Variants in PTPRN2 observed in about 807,000 individuals in gnomAD.
PTPRN2 encodes protein tyrosine phosphatase receptor type N2.
In PTPRN2, 74 loss-of-function variants were observed where a neutral mutation model predicts 118.8. The observed-to-expected ratio is 0.62, with a 90% confidence interval of 0.52 to 0.76. PTPRN2 has a LOEUF of 0.76. Among genes scored for constraint, PTPRN2 ranks in the 30% least tolerant of loss-of-function variants. The pLI, the probability that PTPRN2 is intolerant of heterozygous loss-of-function variation, is 0.00. For synonymous variants in PTPRN2, 641 were observed against 608.0 expected, an observed-to-expected ratio of 1.05 and a Z score of -0.80; for missense variants, 1,481 against 1,394.4, an observed-to-expected ratio of 1.06 and a Z score of -0.99.
intron 2 of PTPRN2, among the ~76,000 whole-genome samples, chr7:158,333,674 C>T (rs1804965797): frequency 6.6e-6 from 1 of 151,558 alleles, no homozygotes; most frequent in Non-Finnish European, 1.5e-5. Context: ...CTGACACCCA[C>T]AGACATCACT....
chr7:157,809,013 T>G (rs1197122026), intron 12 of PTPRN2, among the ~76,000 whole-genome samples: 2 of 152,242 alleles, frequency 1.3e-5, no homozygotes, highest in African/African-American at 4.8e-5. Context: ...CCTCCCGAAG[T>G]GTGCTGTGTC....
At chr7:158,123,036 C>T (rs1817302823) in intron 9 of PTPRN2, among the ~76,000 whole-genome samples, 2 of 152,146 alleles carry the variant, frequency 1.3e-5, no homozygotes, top group African/African-American at 2.4e-5. Flanking sequence ...GGACATTTTA[C>T]TATTTACTGC....
intron 12 of PTPRN2, among the ~76,000 whole-genome samples, chr7:157,759,359 G>C (rs144618740): frequency 2.4e-3 from 369 of 152,332 alleles, no homozygotes; most frequent in African/African-American, 8.2e-3. Context: ...GAGGAGCTGG[G>C]AGGCCCTGCT....
chr7:158,351,454 C>T (rs977887835), intron 2 of PTPRN2, among the ~76,000 whole-genome samples: 3 of 152,178 alleles, frequency 2.0e-5, no homozygotes, highest in African/African-American at 7.2e-5. Flanking sequence ...TGCTTTCCTT[C>T]GTTGCTCACA....
At chr7:158,322,237 G>A (rs1276587543) in intron 2 of PTPRN2, among the ~76,000 whole-genome samples, 1 of 152,148 alleles carries the variant, frequency 6.6e-6, no homozygotes. Flanking sequence ...CGGGAGACAC[G>A]CACACAGAAA....
intron 14 of PTPRN2, among the ~76,000 whole-genome samples, chr7:157,650,401 G>C (rs895851490): frequency 4.6e-5 from 7 of 152,226 alleles, no homozygotes; most frequent in Non-Finnish European, 7.3e-5. Context: ...GCAAAAATAG[G>C]CTCCTCCAAA....
At chr7:157,864,103 A>G (rs1338413267) in intron 12 of PTPRN2, 2 of 152,258 alleles carry the variant, frequency 1.3e-5, no homozygotes, top group African/African-American at 4.8e-5. Flanking sequence ...TTTTGATCCA[A>G]AAGCATTTGA....
At position 158,250,581 on chromosome 7, in the gene PTPRN2, C is replaced by T. The variant is rs982665484; in HGVS notation, c.278-45308G>A. Among the ~76,000 whole-genome samples, 90 of 152,092 alleles carry T rather than the reference C, an allele frequency of 5.9e-4. 1 individual carries two copies. Among genetic ancestry groups the T allele is most frequent in the African/African-American group, 2.0e-3 (83 of 41,414 alleles). On this transcript the variant is annotated intron_variant, in intron 3 of 22. Transcript: ENST00000389418. ...ACACACACGTACACACACATCCCCC[C>T]CACATCCACACAGAAACAGAAGTGA...
chr7:158,203,498 C>T (rs559291747), intron 4 of PTPRN2, among the ~76,000 whole-genome samples: 1 of 152,214 alleles, frequency 6.6e-6, no homozygotes, highest in South Asian at 2.1e-4. Context: ...ATGGTTGTTG[C>T]TGAGTTTGAT....
chr7:158,126,876 C>T (rs1389611274), intron 9 of PTPRN2, among the ~76,000 whole-genome samples: 2 of 152,204 alleles, frequency 1.3e-5, no homozygotes, highest in Non-Finnish European at 2.9e-5. Flanking sequence ...TTCCAAAGTT[C>T]CTCTCCCTGG....
At chr7:158,184,766 T>C (rs1334672194) in intron 5 of PTPRN2, among the ~76,000 whole-genome samples, 1 of 152,044 alleles carries the variant, frequency 6.6e-6, no homozygotes, top group Non-Finnish European at 1.5e-5. Flanking sequence ...TGAGCCAAGA[T>C]TGTGCCACTG....
At chr7:158,070,965 C>CCCG (rs536087568) in intron 11 of PTPRN2, among the ~76,000 whole-genome samples, 1,088 of 50,084 alleles carry the variant, frequency 0.022, 19 homozygotes, top group African/African-American at 0.025. Flanking sequence ...GGTGGAGGTG[C>CCCG]TCACGGTGGA....
At chr7:157,838,418 CGGG>C (rs1808141430) in intron 12 of PTPRN2, among the ~76,000 whole-genome samples, 1 of 124,744 alleles carries the variant, frequency 8.0e-6, no homozygotes, top group Non-Finnish European at 1.7e-5. Flanking sequence ...GTGGATGGCA[CGGG>C]AGAAAGCTCC....
chr7:158,232,508 T>C (rs1252257690), intron 3 of PTPRN2, among the ~76,000 whole-genome samples: 1 of 152,146 alleles, frequency 6.6e-6, no homozygotes, highest in Non-Finnish European at 1.5e-5. Context: ...TGATGAATTC[T>C]ACCAAACATT....
chr7:157,924,423 GC>G (rs533282738), intron 11 of PTPRN2, among the ~76,000 whole-genome samples: 2 of 152,178 alleles, frequency 1.3e-5, no homozygotes, highest in Non-Finnish European at 2.9e-5. Flanking sequence ...GAGCTCAGCT[GC>G]TCCTCCCGAC....
Position 157,874,245 on chromosome 7 carries a change from A to G in PTPRN2, c.1788+24428T>C, listed in dbSNP as rs1795575301. Among the ~76,000 whole-genome samples, 1 of 151,826 alleles carries G rather than the reference A, an allele frequency of 6.6e-6. No individual in the cohort carries two copies. The highest frequency in any genetic ancestry group is 2.4e-5 in the African/African-American group (1 of 41,322). ...CTGGGCAGGCTGCTCCCTTCACCCC[A>G]ACACTCCATGGCTCCCCATGGCCTG... On this transcript the variant is annotated intron_variant, in intron 12 of 22. Transcript: ENST00000389418. The surrounding 1 kb of genome is among the most constrained non-coding windows in gnomAD (Gnocchi z 5.8).
At chr7:158,268,639 G>A (rs1476210284) in intron 3 of PTPRN2, among the ~76,000 whole-genome samples, 30 of 121,936 alleles carry the variant, frequency 2.5e-4, no homozygotes, top group Non-Finnish European at 4.0e-4. Flanking sequence ...TATCCCAGCC[G>A]CACACACACA....
intron 12 of PTPRN2, among the ~76,000 whole-genome samples, chr7:157,770,353 C>A (rs1344156646): frequency 2.0e-5 from 3 of 152,148 alleles, no homozygotes; most frequent in Non-Finnish European, 4.4e-5. Flanking sequence ...ATTAAATATT[C>A]TTAGCAGCAT....
rs184160489 is a variant in PTPRN2 at position 157,792,930 on chromosome 7, G to A, written c.1788+105743C>T. The stretch of plus-strand genomic sequence containing the variant: ...TCAATCTCCCAGGGCCGCGGGTGCC[G>A]AGTTTAAAACTCATCTCTTTTTCTA... On this transcript the variant is annotated intron_variant, in intron 12 of 22. Coordinates refer to ENST00000389418, the MANE Select transcript of PTPRN2 (RefSeq NM_002847.5). 2.5e-4 allele frequency among the ~76,000 whole-genome samples: 38 copies of A among 152,302 alleles called. 2 individuals carry two copies. In the South Asian group the frequency reaches 5.0e-3, roughly 20 times the overall value.
Sources: allele counts gnomAD v4.1 joint callset (sites outside exome capture counted in the v4.1 genomes callset), GRCh38; gene constraint gnomAD v4.1.1; non-coding constraint Gnocchi (gnomAD v3.1); transcripts MANE v1.5; gene names NCBI Gene and HGNC (gene_info 2026-07-23, HGNC 2026-07-21).